RFWD3: variants seen among roughly 807,000 people sequenced by gnomAD.
The protein encoded by RFWD3 is ring finger and WD repeat domain 3, also known as E3 ubiquitin-protein ligase RFWD3.
In RFWD3, 65 loss-of-function variants were observed where a neutral mutation model predicts 87.7. That is an observed-to-expected ratio of 0.74 (90% CI 0.61 to 0.91). The LOEUF (loss-of-function observed/expected upper bound fraction) is 0.91. Ranked by LOEUF, RFWD3 falls within the 40% of genes least tolerant of loss-of-function variation. The probability of loss-of-function intolerance (pLI) is 0.00; values close to 1 mark genes in which losing one functional copy is unlikely to be tolerated. For missense variants in RFWD3, 1,078 were observed against 938.5 expected (o/e 1.15, Z -1.94); for synonymous variants, 433 against 352.8 (o/e 1.23, Z -2.55).
At position 74,630,921 on chromosome 16, in the gene RFWD3, A is replaced by T; in HGVS notation, c.1614T>A (p.Ala538=). The T allele has an allele frequency of 6.2e-7, 1 of 1,613,972 alleles. No homozygotes were observed. The highest frequency in any genetic ancestry group is 8.5e-7 in the Non-Finnish European group (1 of 1,179,942). Residue 538 remains alanine, a synonymous_variant, in exon 10 of 13, where the codon GCT becomes GCA. Coordinates refer to ENST00000361070, the MANE Select transcript of RFWD3 (RefSeq NM_018124.4). ...ETNTVVQTYN[A]GRPVWSCCWC... ...AGCAACAGCTCCAGACAGGACGTCC[A>T]GCATTATAAGTCTGGACCACGGTAT...
intron 12 of RFWD3, 25 bp from the exon 13 acceptor site, chr16:74,624,096 G>C (rs1958848065): frequency 1.2e-6 from 2 of 1,610,826 alleles, no homozygotes; most frequent in Non-Finnish European, 1.7e-6. Context: ...CAGAGGGAAG[G>C]GTCAGGAGTC....
At chr16:74,629,655 C>T (rs921731245) in intron 10 of RFWD3, among the ~76,000 whole-genome samples, 1 of 149,700 alleles carries the variant, frequency 6.7e-6, no homozygotes, top group Non-Finnish European at 1.5e-5. Flanking sequence ...AAAAAAACCA[C>T]TACCACCAAC....
intron 7 of RFWD3, among the ~76,000 whole-genome samples, chr16:74,636,950 T>A (rs1478446583): frequency 1.3e-5 from 2 of 151,796 alleles, no homozygotes; most frequent in African/African-American, 4.8e-5. Flanking sequence ...TGACCTCAGG[T>A]GATCCACCCG....
chr16:74,661,472 A>G (rs1413016409), intron 1 of RFWD3, 21 bp from the exon 2 acceptor site: 1 of 1,560,248 alleles, frequency 6.4e-7, no homozygotes, highest in African/African-American at 1.4e-5. Context: ...AGTATTTGTA[A>G]AAAGTATTAA....
At chr16:74,633,347 G>GA (rs796149696) in intron 8 of RFWD3, among the ~76,000 whole-genome samples, 45 of 128,510 alleles carry the variant, frequency 3.5e-4, no homozygotes, top group South Asian at 5.1e-4. Context: ...AAGAGAAGAA[G>GA]AAAAAAAAAA....
Position 74,661,240 on chromosome 16 carries a change from G to A in RFWD3, c.210C>T (p.Leu70=). 1.2e-6 allele frequency: 2 copies of A among 1,614,164 alleles called. No individual in the cohort carries two copies. The highest frequency in any genetic ancestry group is 8.5e-7 in the Non-Finnish European group (1 of 1,180,020). ...CAACAGACAGTTGCGGAGCAGGCTG[G>A]AGCAGGGGTGGTGTCGCTTGGCTGC... The part of the protein sequence containing the change: ...VISSQATPPL[L]QPAPQLSVDL... The change falls in exon 2 of 13, where the codon CTC becomes CTT. Residue 70 remains leucine (L), a synonymous_variant. Coordinates refer to ENST00000361070, the MANE Select transcript of RFWD3 (RefSeq NM_018124.4).
At chr16:74,634,239 A>C (rs540740409) in intron 8 of RFWD3, among the ~76,000 whole-genome samples, 2 of 152,306 alleles carry the variant, frequency 1.3e-5, no homozygotes, top group African/African-American at 4.8e-5. Context: ...CTGAAATGAA[A>C]TGAAACAGAT....
intron 9 of RFWD3, among the ~76,000 whole-genome samples, chr16:74,631,933 G>C (rs1032136845): frequency 6.6e-6 from 1 of 152,112 alleles, no homozygotes; most frequent in African/African-American, 2.4e-5. Context: ...ACCAACTTTA[G>C]AGTTTTATTC....
intron 6 of RFWD3, 138 bp downstream of exon 6, chr16:74,644,224 G>A: frequency 2.5e-6 from 2 of 792,120 alleles, no homozygotes; most frequent in East Asian, 2.4e-5. Flanking sequence ...GTGTAAGACA[G>A]ACTGCCAATG....
chr16:74,633,324 C>T (rs1959164247), intron 8 of RFWD3, among the ~76,000 whole-genome samples: 1 of 148,636 alleles, frequency 6.7e-6, no homozygotes, highest in Admixed American at 6.7e-5. Flanking sequence ...CCCATGCTTG[C>T]TTCATGACAA....
intron 8 of RFWD3, 50 bp from the exon 9 acceptor site, chr16:74,632,723 G>A: frequency 6.4e-7 from 1 of 1,574,746 alleles, no homozygotes; most frequent in Non-Finnish European, 8.7e-7. Flanking sequence ...TGAACCTAGG[G>A]CAATTCAAAC....
At chr16:74,655,005 G>T (rs1312252073) in intron 2 of RFWD3, among the ~76,000 whole-genome samples, 1 of 152,228 alleles carries the variant, frequency 6.6e-6, no homozygotes, top group Non-Finnish European at 1.5e-5. Flanking sequence ...AGTGCATGAA[G>T]CAGCAGCAAG....
intron 7 of RFWD3, among the ~76,000 whole-genome samples, chr16:74,637,582 G>A (rs113889232): frequency 8.0e-4 from 122 of 152,196 alleles, no homozygotes; most frequent in Non-Finnish European, 1.6e-3. Flanking sequence ...GCAGTGAGCC[G>A]AGATCACATC....
chr16:74,661,541 A>T (rs1961441194), intron 1 of RFWD3, 90 bp from the exon 2 acceptor site: 1 of 1,180,210 alleles, frequency 8.5e-7, no homozygotes, highest in Non-Finnish European at 1.2e-6. Flanking sequence ...TTCTGATTTT[A>T]TGTTTAATAT....
intron 6 of RFWD3, chr16:74,644,082 G>A: frequency 2.0e-6 from 1 of 488,694 alleles, no homozygotes; most frequent in Non-Finnish European, 3.7e-6. Context: ...CTGTGGCGGG[G>A]GGTGGTCAGG....
In RFWD3 at chr16:74,661,382, G is replaced by A. The variant is rs367986631; in HGVS notation, c.68C>T (p.Pro23Leu). The A allele has an allele frequency of 2.5e-5, 40 of 1,613,904 alleles. No homozygotes were observed. The highest frequency in any genetic ancestry group is 3.1e-5 in the Non-Finnish European group (36 of 1,179,986). The change falls in exon 2 of 13, where the codon CCT becomes CTT. Residue 23 changes from proline (P) to leucine (L), a missense_variant. Physicochemically the swap from Pro to Leu is moderately conservative, Grantham distance 98. Coordinates refer to ENST00000361070, the MANE Select transcript of RFWD3 (RefSeq NM_018124.4). Reference protein sequence around the residue: ...QLNHAEQQPAPAGMASSQGGP... With the variant: ...QLNHAEQQPALAGMASSQGGP... The stretch of plus-strand genomic sequence containing the variant: ...CCCTTGGCTGCTGGCCATGCCAGCA[G>A]GAGCTGGCTGTTGTTCGGCATGATT...
At chr16:74,645,745 CTTTTTT>C (rs71376293) in intron 4 of RFWD3, among the ~76,000 whole-genome samples, 9 of 74,196 alleles carry the variant, frequency 1.2e-4, no homozygotes, top group Admixed American at 1.0e-3. Flanking sequence ...CAAATATTTT[CTTTTTT>C]TTTTTTTTTT....
rs80043761 is a variant in RFWD3 at position 74,638,218 on chromosome 16, A to T, written c.1080-248T>A. Among the ~76,000 whole-genome samples, 17 of 152,352 alleles carry T rather than the reference A, an allele frequency of 1.1e-4. No homozygotes were observed. The East Asian group carries it at 3.3e-3, about 29-fold the overall frequency. ...AAAATGCCACAGGCAAAACGAGAGA[A>T]CAGAGCTAATCTAGTGTTCAGCTAC... On this transcript the variant is annotated intron_variant, in intron 6 of 12. Transcript: ENST00000361070.
At chr16:74,634,770 T>C (rs1181752544) in intron 8 of RFWD3, among the ~76,000 whole-genome samples, 1 of 151,200 alleles carries the variant, frequency 6.6e-6, no homozygotes, top group South Asian at 2.1e-4. Flanking sequence ...CGTGGCTTAC[T>C]GTACTTTCTT....
Sources: gnomAD v4.1 joint callset for allele counts (sites outside exome capture counted in the v4.1 genomes callset) on GRCh38, gnomAD v4.1.1 for gene constraint, MANE v1.5 for transcripts, NCBI Gene and HGNC (gene_info 2026-07-23, HGNC 2026-07-21) for gene names.